Variants in CCBE1 observed in about 807,000 individuals in gnomAD.
The protein encoded by CCBE1 is collagen and calcium-binding EGF domain-containing protein 1.
A neutral mutation model predicts 50.0 loss-of-function variants in CCBE1; 37 were observed. That is an observed-to-expected ratio of 0.74 (90% CI 0.57 to 0.97). CCBE1 has a LOEUF of 0.97. CCBE1 is among the 50% of genes least tolerant of loss of function. The pLI is 0.00. For synonymous variants in CCBE1, 234 were observed against 203.7 expected (o/e 1.15, Z -1.27); for missense variants, 538 against 523.8 (o/e 1.03, Z -0.26).
At chr18:59,541,158 C>T (rs1406490552) in intron 2 of CCBE1, among the ~76,000 whole-genome samples, 2 of 152,192 alleles carry the variant, frequency 1.3e-5, no homozygotes, top group African/African-American at 4.8e-5. Flanking sequence ...TTGCAAAACA[C>T]TCACCTTTTC....
chr18:59,594,984 T>G lies in CCBE1; in HGVS notation c.212+101645A>C, dbSNP rs372686408. 1.8e-4 allele frequency among the ~76,000 whole-genome samples: 27 copies of G among 152,114 alleles called. 1 individual carries two copies. In the East Asian group the frequency reaches 4.9e-3, roughly 27 times the overall value. On this transcript the variant is annotated intron_variant, in intron 2 of 10. Transcript: ENST00000439986. ...AAAATTAACCAGGCATGGTGGCATG[T>G]ACTTGTAGTCCCAGCTACTTGAGAG...
chr18:59,466,155 G>A (rs1911730770), intron 5 of CCBE1, among the ~76,000 whole-genome samples: 1 of 151,754 alleles, frequency 6.6e-6, no homozygotes, highest in Admixed American at 6.6e-5. Flanking sequence ...ACATGATATG[G>A]TTTAGCTGTG....
rs35872814 is a variant in CCBE1, at chr18:59,495,393, CT to C, written c.213-15156del. On this transcript the variant is annotated intron_variant, in intron 2 of 10. Coordinates refer to ENST00000439986, the MANE Select transcript of CCBE1 (RefSeq NM_133459.4). The stretch of plus-strand genomic sequence containing the variant: ...ACCTTAACAGTCAAGTCCAGGGCCT[CT>C]TTTTTTTTTTTTTTTTCCAGAGCGG... Among the ~76,000 whole-genome samples the C allele has an allele frequency of 2.8e-3, 229 of 82,268 alleles. 2 individuals carry two copies. The highest frequency in any genetic ancestry group is 7.8e-3 in the African/African-American group (119 of 15,354). 54.0% of individuals were successfully genotyped at this position (82,268 alleles called of 152,430 possible).
At chr18:59,592,497 A>G (rs191759017) in intron 2 of CCBE1, among the ~76,000 whole-genome samples, 2 of 152,392 alleles carry the variant, frequency 1.3e-5, no homozygotes, top group East Asian at 3.8e-4. Flanking sequence ...CATCTGCAAA[A>G]AAAGAAGATC....
intron 2 of CCBE1, 32 bp downstream of exon 2, chr18:59,696,597 T>G: frequency 6.2e-7 from 1 of 1,612,694 alleles, no homozygotes; most frequent in Non-Finnish European, 8.5e-7. Context: ...CGGTGCGCAG[T>G]GGCGAACAGC....
chr18:59,527,201 A>T (rs1292325201), intron 2 of CCBE1, among the ~76,000 whole-genome samples: 2 of 152,234 alleles, frequency 1.3e-5, no homozygotes, highest in Admixed American at 1.3e-4. Flanking sequence ...GGGTGCATAT[A>T]TATTTAGGAT....
At chr18:59,597,843 T>C (rs191737991) in intron 2 of CCBE1, among the ~76,000 whole-genome samples, 1 of 152,210 alleles carries the variant, frequency 6.6e-6, no homozygotes, top group African/African-American at 2.4e-5. Flanking sequence ...TGAACACAGT[T>C]ACCTGACGTC....
At chr18:59,604,154 G>T (rs2144566962) in intron 2 of CCBE1, among the ~76,000 whole-genome samples, 1 of 152,320 alleles carries the variant, frequency 6.6e-6, no homozygotes, top group Middle Eastern at 3.4e-3. Context: ...TCTAAGGAGG[G>T]CCCCTCTTCA....
chr18:59,473,186 A>G (rs1485192377), intron 3 of CCBE1, among the ~76,000 whole-genome samples: 2 of 152,162 alleles, frequency 1.3e-5, no homozygotes, highest in Non-Finnish European at 2.9e-5. Flanking sequence ...AAGTTTTGAG[A>G]TCATGCATGT....
At chr18:59,543,141 T>A (rs543768871) in intron 2 of CCBE1, among the ~76,000 whole-genome samples, 3 of 152,164 alleles carry the variant, frequency 2.0e-5, no homozygotes, top group Admixed American at 6.5e-5. Context: ...AAAAGTTACC[T>A]GGGGAACTGG....
At chr18:59,534,563 C>T (rs1156634123) in intron 2 of CCBE1, among the ~76,000 whole-genome samples, 1 of 152,206 alleles carries the variant, frequency 6.6e-6, no homozygotes, top group Non-Finnish European at 1.5e-5. Context: ...CAGTGATTCT[C>T]ACAGTGTGGT....
At chr18:59,517,532 C>T (rs1187438975) in intron 2 of CCBE1, among the ~76,000 whole-genome samples, 1 of 152,176 alleles carries the variant, frequency 6.6e-6, no homozygotes, top group African/African-American at 2.4e-5. Flanking sequence ...CAGCTTAAGC[C>T]AGAGCTCACT....
At chr18:59,570,654 G>C (rs115052566) in intron 2 of CCBE1, among the ~76,000 whole-genome samples, 2,499 of 152,154 alleles carry the variant, frequency 0.016, 34 homozygotes, top group Middle Eastern at 0.054. Context: ...AAATGAAAGG[G>C]AAGTCATCCT....
intron 2 of CCBE1, among the ~76,000 whole-genome samples, chr18:59,550,169 C>T (rs931540237): frequency 6.6e-6 from 1 of 152,112 alleles, no homozygotes; most frequent in African/African-American, 2.4e-5. Context: ...GCAAAACCAC[C>T]ACAAGCTCTG....
chr18:59,539,202 A>AC (rs1568194492), intron 2 of CCBE1, among the ~76,000 whole-genome samples: 3 of 148,872 alleles, frequency 2.0e-5, no homozygotes, highest in African/African-American at 7.3e-5. Flanking sequence ...CACACACACA[A>AC]AAAACAAAAA....
At chr18:59,610,727 C>T (rs974241118) in intron 2 of CCBE1, among the ~76,000 whole-genome samples, 19 of 152,152 alleles carry the variant, frequency 1.2e-4, no homozygotes, top group Non-Finnish European at 2.5e-4. Context: ...AGAAAATACG[C>T]CTAACAAGCC....
intron 3 of CCBE1, among the ~76,000 whole-genome samples, chr18:59,477,552 G>C (rs913688756): frequency 3.3e-5 from 5 of 151,544 alleles, no homozygotes; most frequent in African/African-American, 9.7e-5. Flanking sequence ...GTGTGTGTGT[G>C]TGTGTGTGTG....
chr18:59,521,512 T>G (rs75308765), intron 2 of CCBE1, among the ~76,000 whole-genome samples: 3,010 of 152,326 alleles, frequency 0.02, 84 homozygotes, highest in African/African-American at 0.067. Flanking sequence ...ACATGGCCTC[T>G]GCAGTCAGCA....
chr18:59,476,762 G>A (rs1262982477), intron 3 of CCBE1, among the ~76,000 whole-genome samples: 13 of 152,342 alleles, frequency 8.5e-5, no homozygotes, highest in African/African-American at 3.1e-4. Flanking sequence ...GATGGTTAGT[G>A]CTACATGTCA....
Sources: gnomAD v4.1 joint callset for allele counts (sites outside exome capture counted in the v4.1 genomes callset) on GRCh38, gnomAD v4.1.1 for gene constraint, MANE v1.5 for transcripts, NCBI Gene and HGNC (gene_info 2026-07-23, HGNC 2026-07-21) for gene names.